ARHGAP24: variants seen among roughly 807,000 people sequenced by gnomAD.
ARHGAP24 encodes the protein Rho GTPase activating protein 24.
A neutral mutation model predicts 76.4 loss-of-function variants in ARHGAP24; 50 were observed. That is an observed-to-expected ratio of 0.65 (90% confidence interval 0.52 to 0.83). ARHGAP24 has a LOEUF of 0.83. Ranked by LOEUF, ARHGAP24 falls within the 40% of genes least tolerant of loss-of-function variation. The pLI, the probability that ARHGAP24 is intolerant of heterozygous loss-of-function variation, is 0.00. For synonymous variants in ARHGAP24, 345 were observed against 323.3 expected, an observed-to-expected ratio of 1.07 and a Z score of -0.72; for missense variants, 930 against 914.2, an observed-to-expected ratio of 1.02 and a Z score of -0.22.
intron 5 of ARHGAP24, among the ~76,000 whole-genome samples, chr4:85,955,130 C>A (rs575221558): frequency 1.3e-5 from 2 of 152,312 alleles, no homozygotes; most frequent in East Asian, 3.9e-4. Flanking sequence ...CGGCCCAGAG[C>A]CCAGATCTCT....
At chr4:85,619,313 C>T (rs1431141363) in intron 2 of ARHGAP24, among the ~76,000 whole-genome samples, 1 of 150,978 alleles carries the variant, frequency 6.6e-6, no homozygotes, top group Non-Finnish European at 1.5e-5. Context: ...TATTTTGTTC[C>T]ATTGGTCTAT....
intron 3 of ARHGAP24, among the ~76,000 whole-genome samples, chr4:85,893,902 G>T (rs1252700645): frequency 7.8e-6 from 1 of 128,572 alleles, no homozygotes; most frequent in Non-Finnish European, 1.6e-5. Flanking sequence ...TGAACAATGA[G>T]ATCACATGGA....
intron 2 of ARHGAP24, among the ~76,000 whole-genome samples, chr4:85,599,805 G>GT (rs1719974641): frequency 6.6e-6 from 1 of 152,066 alleles, no homozygotes; most frequent in South Asian, 2.1e-4. Context: ...AATTATAGAT[G>GT]TTTTGCATAT....
At chr4:85,560,148 TC>T (rs1578035631) in intron 1 of ARHGAP24, among the ~76,000 whole-genome samples, 1 of 152,150 alleles carries the variant, frequency 6.6e-6, no homozygotes. Context: ...GATTTTTGTT[TC>T]TACTCAGGTT....
chr4:85,534,941 A>G (rs73832788), intron 1 of ARHGAP24, among the ~76,000 whole-genome samples: 15,028 of 151,280 alleles, frequency 0.099, 1,057 homozygotes, highest in African/African-American at 0.2. Context: ...AAAAAAAAAA[A>G]AAAGAAAGAA....
At chr4:85,621,763 G>T (rs1720725544) in intron 2 of ARHGAP24, among the ~76,000 whole-genome samples, 1 of 152,062 alleles carries the variant, frequency 6.6e-6, no homozygotes, top group Admixed American at 6.6e-5. Flanking sequence ...AAGCTCCTTA[G>T]TTTAATTAGG....
chr4:85,983,607 C>T (rs1010432353), intron 8 of ARHGAP24, among the ~76,000 whole-genome samples: 1 of 152,168 alleles, frequency 6.6e-6, no homozygotes, highest in Non-Finnish European at 1.5e-5. Flanking sequence ...AACAAACTTA[C>T]TTTAAAAAGC....
chr4:85,781,585 A>G, intron 3 of ARHGAP24, among the ~76,000 whole-genome samples: 1 of 141,022 alleles, frequency 7.1e-6, no homozygotes, highest in Non-Finnish European at 1.5e-5. Context: ...AAAAAAATAC[A>G]AGTTTCACCT....
chr4:85,783,711 C>T (rs537393243), intron 3 of ARHGAP24, among the ~76,000 whole-genome samples: 6 of 151,594 alleles, frequency 4.0e-5, no homozygotes, highest in South Asian at 2.1e-4. Flanking sequence ...AAAACAGTCA[C>T]GATTCCATGC....
At chr4:85,777,902 C>T (rs1473100642) in intron 3 of ARHGAP24, among the ~76,000 whole-genome samples, 1 of 152,024 alleles carries the variant, frequency 6.6e-6, no homozygotes, top group Non-Finnish European at 1.5e-5. Flanking sequence ...ATGAAAGACA[C>T]CAATGAAAAT....
chr4:85,658,493 T>C (rs1311946715), intron 2 of ARHGAP24, among the ~76,000 whole-genome samples: 1 of 152,226 alleles, frequency 6.6e-6, no homozygotes, highest in Admixed American at 6.5e-5. Context: ...TATTATTTGA[T>C]CTCCAGCTTC....
intron 3 of ARHGAP24, among the ~76,000 whole-genome samples, chr4:85,767,404 G>A (rs1320110682): frequency 6.6e-6 from 1 of 152,044 alleles, no homozygotes; most frequent in Non-Finnish European, 1.5e-5. Flanking sequence ...CACACAGAGA[G>A]ACATACATAC....
chr4:85,643,275 G>A (rs1721599205), intron 2 of ARHGAP24, among the ~76,000 whole-genome samples: 1 of 49,446 alleles, frequency 2.0e-5, no homozygotes, highest in African/African-American at 6.6e-5. Context: ...TTTTTGAGAC[G>A]GAGTCTCGCT....
intron 5 of ARHGAP24, among the ~76,000 whole-genome samples, chr4:85,942,928 A>G (rs766558258): frequency 3.9e-4 from 59 of 152,134 alleles, no homozygotes; most frequent in Non-Finnish European, 7.2e-4. Flanking sequence ...TATCAACATT[A>G]TATACCAGAA....
chr4:85,513,755 T>G (rs552616392), intron 1 of ARHGAP24, among the ~76,000 whole-genome samples: 8 of 152,076 alleles, frequency 5.3e-5, no homozygotes, highest in Non-Finnish European at 1.0e-4. Context: ...TGCAAAAAGT[T>G]TTCTTATCTT....
chr4:85,894,960 C>CAA (rs540459367), intron 3 of ARHGAP24, among the ~76,000 whole-genome samples: 40 of 35,318 alleles, frequency 1.1e-3, no homozygotes, highest in East Asian at 2.0e-3. Context: ...GACTCCCTCT[C>CAA]AAAAAAAAAA....
Position 85,722,630 on chromosome 4 carries a change from A to C in ARHGAP24, c.268+658A>C, listed in dbSNP as rs72974971. On this transcript the variant is annotated intron_variant, in intron 3 of 9. Coordinates refer to ENST00000395184, the MANE Select transcript of ARHGAP24 (RefSeq NM_001025616.3). ...ATTCCTCTTAGTGAACCTGATCTCC[A>C]CTAAAGTCTTTGACTAACCCAGCAA... is the stretch of plus-strand genomic sequence containing the variant. The C allele has an allele frequency of 7.3e-3, 1,132 of 154,860 alleles. 19 individuals carry two copies. Among genetic ancestry groups the C allele is most frequent in the African/African-American group, 0.024 (994 of 41,590 alleles). 9.6% of individuals were successfully genotyped at this position (154,860 alleles called of 1,614,324 possible).
At chr4:85,921,730 G>A (rs1458884072) in intron 3 of ARHGAP24, among the ~76,000 whole-genome samples, 2 of 152,100 alleles carry the variant, frequency 1.3e-5, no homozygotes, top group African/African-American at 4.8e-5. Context: ...GGTGAGCCAG[G>A]GGCAAGTGAG....
intron 4 of ARHGAP24, chr4:85,930,995 C>A: frequency 6.2e-7 from 1 of 1,613,736 alleles, no homozygotes; most frequent in Non-Finnish European, 8.5e-7. Context: ...CCTTTCATCC[C>A]TAAAACTACA....
Sources: gnomAD v4.1 joint callset for allele counts (sites outside exome capture counted in the v4.1 genomes callset) on GRCh38, gnomAD v4.1.1 for gene constraint, MANE v1.5 for transcripts, NCBI Gene and HGNC (gene_info 2026-07-23, HGNC 2026-07-21) for gene names.